LRP1B: variants seen among roughly 807,000 people sequenced by gnomAD.
LRP1B encodes the protein low-density lipoprotein receptor-related protein 1B.
A neutral mutation model predicts 556.6 loss-of-function variants in LRP1B; 217 were observed. The observed-to-expected ratio is 0.39, with a 90% CI of 0.35 to 0.44. The LOEUF (loss-of-function observed/expected upper bound fraction) is 0.44. LRP1B is among the 20% of genes least tolerant of loss of function. The pLI is 1.00. For missense variants in LRP1B, 5,053 were observed against 5,620.8 expected, an observed-to-expected ratio of 0.90 and a Z score of 3.23; for synonymous variants, 2,047 against 1,865.8, an observed-to-expected ratio of 1.10 and a Z score of -2.50.
chr2:141,657,979 T>C (rs907880780), intron 2 of LRP1B, among the ~76,000 whole-genome samples: 1 of 152,186 alleles, frequency 6.6e-6, no homozygotes, highest in South Asian at 2.1e-4. Context: ...CAAACCCACC[T>C]AGCAACTGCC....
chr2:141,679,540 A>G (rs1355693324), intron 2 of LRP1B, among the ~76,000 whole-genome samples: 1 of 152,190 alleles, frequency 6.6e-6, no homozygotes. Context: ...TTGAAAACCA[A>G]TTTGACTATC....
chr2:141,910,157 AAATTGTCTGCATTTTCTCTTTGAAACC>A (rs1699870750), intron 1 of LRP1B, among the ~76,000 whole-genome samples: 1 of 151,588 alleles, frequency 6.6e-6, no homozygotes, highest in Admixed American at 6.6e-5. Flanking sequence ...AAAAAAAAAA[AAATTGTCTGCATTTTCTCTTTGAAACC>A]AAAATTGTCT....
At chr2:140,321,348 C>T (rs948723476) in intron 82 of LRP1B, among the ~76,000 whole-genome samples, 1 of 150,788 alleles carries the variant, frequency 6.6e-6, no homozygotes, top group Non-Finnish European at 1.5e-5. Context: ...TGAAAAAAAT[C>T]TTATCCATTT....
intron 83 of LRP1B, among the ~76,000 whole-genome samples, chr2:140,301,474 T>C (rs949852006): frequency 6.6e-6 from 1 of 152,136 alleles, no homozygotes; most frequent in African/African-American, 2.4e-5. Flanking sequence ...TGGTACATCC[T>C]TGAGCTTCTT....
chr2:140,979,324 T>TAAAGCA (rs199714877), intron 18 of LRP1B, among the ~76,000 whole-genome samples: 2,278 of 152,286 alleles, frequency 0.015, 56 homozygotes, highest in African/African-American at 0.05. Flanking sequence ...TTGCCAGCTG[T>TAAAGCA]AAAGCAAGTG....
chr2:140,826,186 C>G (rs1045918028), intron 31 of LRP1B, among the ~76,000 whole-genome samples: 1 of 152,042 alleles, frequency 6.6e-6, no homozygotes, highest in Non-Finnish European at 1.5e-5. Context: ...AATTTTGCAA[C>G]AAATAACATA....
chr2:140,603,613 C>G (rs537259699), intron 41 of LRP1B, among the ~76,000 whole-genome samples: 1 of 152,190 alleles, frequency 6.6e-6, no homozygotes, highest in African/African-American at 2.4e-5. Flanking sequence ...GAAGAAAACA[C>G]TTCGTATCAC....
chr2:141,182,815 T>G (rs550713157), intron 7 of LRP1B, among the ~76,000 whole-genome samples: 1 of 151,890 alleles, frequency 6.6e-6, no homozygotes, highest in South Asian at 2.1e-4. Flanking sequence ...TCAACTTTTG[T>G]TACGGGGGGG....
chr2:141,827,326 CA>C (rs1696969573), intron 1 of LRP1B, among the ~76,000 whole-genome samples: 1 of 152,158 alleles, frequency 6.6e-6, no homozygotes, highest in Admixed American at 6.5e-5. Flanking sequence ...TAGAGTTTTA[CA>C]AAATGTTTGA....
At position 142,088,997 on chromosome 2, in the gene LRP1B, G is replaced by T. The variant is rs5834898; in HGVS notation, c.82+41651C>A. ...CTCAAAAAAAAAAAAAAAAAAAAAAGAAAAAGAAAAAGTTACTGACTTATA... is the reference window on the plus strand; with the variant it reads ...CTCAAAAAAAAAAAAAAAAAAAAAATAAAAAGAAAAAGTTACTGACTTATA... On this transcript the variant is annotated intron_variant, in intron 1 of 90. Transcript: ENST00000389484. Among the ~76,000 whole-genome samples the T allele has an allele frequency of 3.5e-3, 81 of 22,916 alleles. 1 individual carries two copies. Among genetic ancestry groups the T allele is most frequent in the African/African-American group, 9.1e-3 (77 of 8,418 alleles). 15.0% of individuals were successfully genotyped at this position (22,916 alleles called of 152,430 possible). A position where few individuals can be genotyped will look rare whatever the true frequency, so the allele number is the denominator to read the frequency against.
intron 3 of LRP1B, among the ~76,000 whole-genome samples, chr2:141,395,827 CA>C (rs1690221109): frequency 6.6e-6 from 1 of 152,066 alleles, no homozygotes; most frequent in South Asian, 2.1e-4. Flanking sequence ...ATGAAGGAAA[CA>C]GGGGAGAGAT....
rs997638467 is a variant in LRP1B, at chr2:141,599,498, T to C, written c.206-118965A>G. Among the ~76,000 whole-genome samples the C allele has an allele frequency of 3.3e-5, 5 of 152,258 alleles. No individual in the cohort carries two copies. In the South Asian group the frequency reaches 1.0e-3, roughly 32 times the overall value. Reference sequence around the variant, plus strand: ...CTTGAACATTAAATTTTATTTAAAATTAACTATCATATAAAACTTTAGGGT... The same window carrying C: ...CTTGAACATTAAATTTTATTTAAAACTAACTATCATATAAAACTTTAGGGT... On this transcript the variant is annotated intron_variant, in intron 2 of 90. Transcript: ENST00000389484.
intron 80 of LRP1B, among the ~76,000 whole-genome samples, chr2:140,324,722 CATTTAT>C (rs1437828114): frequency 3.3e-5 from 5 of 151,804 alleles, no homozygotes; most frequent in Non-Finnish European, 7.4e-5. Flanking sequence ...AACAAAACGA[CATTTAT>C]ATTTTACTAA....
chr2:141,116,027 T>C (rs1375143861), intron 7 of LRP1B, among the ~76,000 whole-genome samples: 1 of 152,174 alleles, frequency 6.6e-6, no homozygotes, highest in Non-Finnish European at 1.5e-5. Flanking sequence ...GCAATTTCAT[T>C]ATAAATAAAA....
intron 3 of LRP1B, among the ~76,000 whole-genome samples, chr2:141,343,057 G>C (rs1385193626): frequency 4.6e-5 from 7 of 152,112 alleles, no homozygotes; most frequent in Non-Finnish European, 5.9e-5. Flanking sequence ...AGAAGAGAGT[G>C]GGGGCCAATA....
intron 41 of LRP1B, among the ~76,000 whole-genome samples, chr2:140,670,161 C>T (rs1286097808): frequency 1.3e-5 from 2 of 152,044 alleles, no homozygotes; most frequent in East Asian, 3.9e-4. Context: ...AACAAGAAGA[C>T]ACTACGCATC....
chr2:141,733,489 A>G (rs756313325), intron 2 of LRP1B, among the ~76,000 whole-genome samples: 3 of 152,120 alleles, frequency 2.0e-5, no homozygotes, highest in African/African-American at 4.8e-5. Context: ...TCCATCATCC[A>G]CAATGCTTTC....
At chr2:141,684,220 T>C (rs1240775040) in intron 2 of LRP1B, among the ~76,000 whole-genome samples, 1 of 152,060 alleles carries the variant, frequency 6.6e-6, no homozygotes, top group African/African-American at 2.4e-5. Flanking sequence ...CTGTCAATTA[T>C]AGAATGGATA....
intron 3 of LRP1B, among the ~76,000 whole-genome samples, chr2:141,346,436 A>G (rs560233986): frequency 6.6e-6 from 1 of 152,130 alleles, no homozygotes; most frequent in East Asian, 1.9e-4. Context: ...TTTTCCAGAG[A>G]TTGCTTTTCC....
Sources: allele counts gnomAD v4.1 joint callset (sites outside exome capture counted in the v4.1 genomes callset), GRCh38; gene constraint gnomAD v4.1.1; transcripts MANE v1.5; gene names NCBI Gene and HGNC (gene_info 2026-07-23, HGNC 2026-07-21).